ATP10B: variants seen among roughly 807,000 people sequenced by gnomAD.
ATP10B encodes phospholipid-transporting ATPase VB.
In ATP10B, 122 loss-of-function variants were observed where a neutral mutation model predicts 141.2. The observed-to-expected ratio is 0.86, with a 90% CI of 0.75 to 1.00. The LOEUF (loss-of-function observed/expected upper bound fraction) is 1.00, where lower values mean the gene tolerates loss of function less well. Ranked by LOEUF, ATP10B falls within the 50% of genes least tolerant of loss-of-function variation. ATP10B has a pLI of 0.00. For missense variants in ATP10B, 1,876 were observed against 1,825.3 expected, an observed-to-expected ratio of 1.03 and a Z score of -0.51; for synonymous variants, 685 against 692.0, an observed-to-expected ratio of 0.99 and a Z score of 0.16.
At chr5:160,785,005 G>C (rs752282146) in intron 2 of ATP10B, among the ~76,000 whole-genome samples, 16 of 152,096 alleles carry the variant, frequency 1.1e-4, no homozygotes, top group Admixed American at 5.2e-4. Context: ...AATCATGGTG[G>C]TTCCATTTGC....
intron 1 of ATP10B, among the ~76,000 whole-genome samples, chr5:160,815,186 A>G (rs978187573): frequency 6.6e-6 from 1 of 152,216 alleles, no homozygotes; most frequent in Non-Finnish European, 1.5e-5. Flanking sequence ...AAAGACACAG[A>G]CTGGCAAATT....
chr5:160,836,369 A>G (rs1231321165), intron 1 of ATP10B, among the ~76,000 whole-genome samples: 1 of 152,028 alleles, frequency 6.6e-6, no homozygotes, highest in Non-Finnish European at 1.5e-5. Flanking sequence ...AATGTGGTAG[A>G]CATGCTGTAA....
intron 24 of ATP10B, among the ~76,000 whole-genome samples, chr5:160,572,031 A>G (rs935010084): frequency 6.6e-6 from 1 of 152,126 alleles, no homozygotes; most frequent in Non-Finnish European, 1.5e-5. Context: ...GATTTCTGAA[A>G]CTTTTGCTCA....
At position 160,653,249 on chromosome 5, in the gene ATP10B, C is replaced by G. The variant is rs943778498; in HGVS notation, c.676-3993G>C. Among the ~76,000 whole-genome samples, 127 of 127,012 alleles carry G rather than the reference C, an allele frequency of 1.0e-3. 2 individuals carry two copies. The highest frequency in any genetic ancestry group is 2.7e-3 in the African/African-American group (82 of 30,888). 83.3% of individuals were successfully genotyped at this position (127,012 alleles called of 152,430 possible). The stretch of plus-strand genomic sequence containing the variant: ...TACAAATATGTAGTATATATACATA[C>G]GTAGTATATATACATACGTACATAC... On this transcript the variant is annotated intron_variant, in intron 7 of 25. Transcript: ENST00000327245.
intron 1 of ATP10B, among the ~76,000 whole-genome samples, chr5:160,806,393 C>T (rs978090464): frequency 3.9e-5 from 6 of 152,186 alleles, no homozygotes; most frequent in Non-Finnish European, 7.3e-5. Flanking sequence ...AGCTAGCAGG[C>T]TGAGTTTTGG....
chr5:160,920,354 A>T, the ATP10B span, among the ~76,000 whole-genome samples: 1 of 152,164 alleles, frequency 6.6e-6, no homozygotes, highest in South Asian at 2.1e-4. Context: ...AGTGAAACTT[A>T]TTTTATATTA....
intron 6 of ATP10B, among the ~76,000 whole-genome samples, chr5:160,672,977 T>C (rs914424457): frequency 6.6e-6 from 1 of 152,142 alleles, no homozygotes; most frequent in Non-Finnish European, 1.5e-5. Context: ...GTGCTTCCAT[T>C]TGGAAGGCCA....
chr5:160,756,115 A>G (rs775385654), intron 2 of ATP10B, among the ~76,000 whole-genome samples: 9 of 150,702 alleles, frequency 6.0e-5, no homozygotes, highest in Non-Finnish European at 1.2e-4. Context: ...TCACTGGTTA[A>G]TTTCTGTTCT....
At chr5:160,646,241 T>G (rs1329720024) in intron 8 of ATP10B, among the ~76,000 whole-genome samples, 1 of 152,164 alleles carries the variant, frequency 6.6e-6, no homozygotes, top group Admixed American at 6.5e-5. Context: ...TCACCCACAC[T>G]AAATCAGAGT....
At chr5:160,786,558 C>T (rs1771160540) in intron 1 of ATP10B, among the ~76,000 whole-genome samples, 1 of 152,070 alleles carries the variant, frequency 6.6e-6, no homozygotes, top group Non-Finnish European at 1.5e-5. Flanking sequence ...TCAACGGCTC[C>T]CTCCATTCCA....
chr5:160,653,548 A>AGGTAG (rs2127698788), intron 7 of ATP10B, among the ~76,000 whole-genome samples: 1 of 134,254 alleles, frequency 7.4e-6, no homozygotes, highest in African/African-American at 2.8e-5. Context: ...ATACATACAT[A>AGGTAG]CATATATACA....
intron 6 of ATP10B, among the ~76,000 whole-genome samples, chr5:160,678,163 C>A (rs1207790874): frequency 6.6e-6 from 1 of 152,168 alleles, no homozygotes; most frequent in Non-Finnish European, 1.5e-5. Context: ...AAAATGAGAG[C>A]GCAAAGCATA....
chr5:160,927,983 G>A, the ATP10B span, among the ~76,000 whole-genome samples: 3 of 149,248 alleles, frequency 2.0e-5, 1 homozygote, highest in Admixed American at 2.0e-4. Context: ...CAGGCAGAGG[G>A]AAGACAGAGT....
At chr5:160,704,194 G>A (rs1490685865) in intron 3 of ATP10B, among the ~76,000 whole-genome samples, 4 of 152,070 alleles carry the variant, frequency 2.6e-5, no homozygotes, top group Non-Finnish European at 5.9e-5. Context: ...TGGGACTACA[G>A]ATGTGAACTA....
upstream of ATP10B, among the ~76,000 whole-genome samples, chr5:160,853,749 C>T (rs1753921898): frequency 6.6e-6 from 1 of 152,132 alleles, no homozygotes; most frequent in Non-Finnish European, 1.5e-5. Context: ...TTAAGTGACA[C>T]TGTCTGGCTA....
the ATP10B span, among the ~76,000 whole-genome samples, chr5:160,923,679 T>C: frequency 0.015 from 2,224 of 152,302 alleles, 52 homozygotes; most frequent in African/African-American, 0.051. Flanking sequence ...ATACCACTTA[T>C]GAGGAACAAA....
At position 160,634,362 on chromosome 5, in the gene ATP10B, T is replaced by C. The variant is rs200192402; in HGVS notation, c.1373A>G (p.Gln458Arg). The C allele has an allele frequency of 5.6e-6, 9 of 1,614,154 alleles. No homozygotes were observed. The Admixed American group carries it at 1.3e-4, about 24-fold the overall frequency. Residue 458 changes from glutamine to arginine, a missense_variant, in exon 12 of 26, where the codon CAA becomes CGA. Coordinates refer to ENST00000327245, the MANE Select transcript of ATP10B (RefSeq NM_025153.3). The part of the protein sequence containing the change: ...CTIMGSEYSH[Q>R]ENAKRLETPK... ...CTTGGGAGCTTCTATACCATTTTCTTGGTGAGAATACTCGCTGCCCATGAT... is the reference window on the plus strand; with the variant it reads ...CTTGGGAGCTTCTATACCATTTTCTCGGTGAGAATACTCGCTGCCCATGAT...
intron 1 of ATP10B, among the ~76,000 whole-genome samples, chr5:160,799,290 G>C (rs1245309706): frequency 1.3e-5 from 2 of 152,280 alleles, no homozygotes; most frequent in Non-Finnish European, 2.9e-5. Flanking sequence ...CACACTGGGA[G>C]ATTAGTCATC....
the ATP10B span, among the ~76,000 whole-genome samples, chr5:160,890,193 AAGT>A: frequency 2.6e-5 from 4 of 152,242 alleles, no homozygotes; most frequent in Non-Finnish European, 4.4e-5. Context: ...AATCTAATAG[AAGT>A]TTCATAGATA....
Sources: allele counts gnomAD v4.1 joint callset (sites outside exome capture counted in the v4.1 genomes callset), GRCh38; gene constraint gnomAD v4.1.1; transcripts MANE v1.5; gene names NCBI Gene and HGNC (gene_info 2026-07-23, HGNC 2026-07-21).